AGAP1: variants seen among roughly 807,000 people sequenced by gnomAD.
AGAP1 encodes the protein arf-GAP with GTPase, ANK repeat and PH domain-containing protein 1.
In AGAP1, 29 loss-of-function variants were observed where a neutral mutation model predicts 105.3. The observed-to-expected ratio is 0.28, with a 90% CI of 0.21 to 0.38. The LOEUF is 0.38. Ranked by LOEUF, AGAP1 falls within the 10% of genes least tolerant of loss-of-function variation. The pLI, the probability that AGAP1 is intolerant of heterozygous loss-of-function variation, is 1.00. For synonymous variants in AGAP1, 509 were observed against 485.9 expected (o/e 1.05, Z -0.63); for missense variants, 998 against 1,165.1 (o/e 0.86, Z 2.09).
chr2:235,939,541 C>G (rs188809662), intron 12 of AGAP1, among the ~76,000 whole-genome samples: 1 of 151,240 alleles, frequency 6.6e-6, no homozygotes, highest in African/African-American at 2.4e-5. Flanking sequence ...ACCTCTCCTT[C>G]TATTCTCCTT....
chr2:235,714,381 T>C lies in AGAP1; in HGVS notation c.223-3176T>C, dbSNP rs117344068. Among the ~76,000 whole-genome samples the C allele has an allele frequency of 2.4e-3, 362 of 152,026 alleles. 9 individuals carry two copies. In the East Asian group the frequency reaches 0.052, roughly 22 times the overall value. ...GGGGTAGGACGGGGAAGCACAAACA[T>C]TCCTACCATATAGTTGAAGGCTTGT... On this transcript the variant is annotated intron_variant, in intron 2 of 17. Transcript: ENST00000304032. This position sits in a 1 kb window ranked among gnomAD's most constrained non-coding sequence, Gnocchi z 4.1.
chr2:235,899,332 G>A (rs1329559793), intron 10 of AGAP1, among the ~76,000 whole-genome samples: 1 of 152,134 alleles, frequency 6.6e-6, no homozygotes, highest in African/African-American at 2.4e-5. Context: ...GGCCAACATG[G>A]TGAAATGCCG....
At chr2:235,783,520 C>G (rs1039268185) in intron 6 of AGAP1, 1 of 358,352 alleles carries the variant, frequency 2.8e-6, no homozygotes, top group Non-Finnish European at 5.6e-6. Context: ...TTGTGACGTC[C>G]CTGTCATCAC....
chr2:235,590,670 T>TGTGTGTGTGTGTGTGTGTGTGCGTGTGC (rs1232733444), intron 1 of AGAP1, among the ~76,000 whole-genome samples: 3 of 85,762 alleles, frequency 3.5e-5, no homozygotes, highest in African/African-American at 8.5e-5. Context: ...TTTTAATGTG[T>TGTGTGTGTGTGTGTGTGTGTGCGTGTGC]GTGTGTGTGT....
rs977477478 is a variant in AGAP1 at position 235,736,400 on chromosome 2, G to T, written c.311-4563G>T. ...CGTCATCATAATTGGCAGCAGAGAA[G>T]GTTGCACATCACTCATGGCAGATCC... is the stretch of plus-strand genomic sequence containing the variant. On this transcript the variant is annotated intron_variant, in intron 3 of 17. Coordinates refer to ENST00000304032, the MANE Select transcript of AGAP1 (RefSeq NM_001037131.3). The surrounding 1 kb of genome is among the most constrained non-coding windows in gnomAD (Gnocchi z 5.5). 1.3e-5 allele frequency among the ~76,000 whole-genome samples: 2 copies of T among 152,134 alleles called. No homozygotes were observed. The highest frequency in any genetic ancestry group is 4.8e-5 in the African/African-American group (2 of 41,428).
At chr2:235,913,868 T>C (rs1296614012) in intron 11 of AGAP1, among the ~76,000 whole-genome samples, 1 of 152,230 alleles carries the variant, frequency 6.6e-6, no homozygotes, top group Non-Finnish European at 1.5e-5. Context: ...CTATGAATTG[T>C]GGAGGAAGTG....
At chr2:235,661,488 AAGGAATCCT>A (rs1947950859) in intron 1 of AGAP1, among the ~76,000 whole-genome samples, 1 of 147,864 alleles carries the variant, frequency 6.8e-6, no homozygotes, top group Admixed American at 6.7e-5. Flanking sequence ...TGATAGTTTC[AAGGAATCCT>A]AGGAATGGGA....
chr2:235,947,514 A>G (rs1026438005), intron 12 of AGAP1, among the ~76,000 whole-genome samples: 5 of 152,068 alleles, frequency 3.3e-5, no homozygotes, highest in Admixed American at 1.3e-4. Context: ...TATTTTTGCA[A>G]TTGCAAATTA....
At position 235,608,408 on chromosome 2, in the gene AGAP1, G is replaced by A. The variant is rs1318306147; in HGVS notation, c.164-100771G>A. 1.3e-5 allele frequency among the ~76,000 whole-genome samples: 2 copies of A among 152,190 alleles called. No homozygotes were observed. The highest frequency in any genetic ancestry group is 4.8e-5 in the African/African-American group (2 of 41,440). On this transcript the variant is annotated intron_variant, in intron 1 of 17. Transcript: ENST00000304032. The surrounding 1 kb of genome is among the most constrained non-coding windows in gnomAD (Gnocchi z 5.4). ...GGCTTGGCTGGGATTCTGTGGGATG[G>A]GGCCTTCAGGAGGTGGAGCCGCCCC...
chr2:236,129,407 GCAGGTGTATCTCCTTAGAGTA>G lies in AGAP1; in HGVS notation c.*5288_*5308del, dbSNP rs1189724178. 5.3e-5 allele frequency: 8 copies of G among 152,340 alleles called. No individual in the cohort carries two copies. The East Asian group carries it at 1.5e-3, about 29-fold the overall frequency. The allele number at this position is 152,340 out of a possible 1,614,324, so 9.4% of individuals were successfully genotyped here. ...CCATTATGCAGGAGAGAGAAGGGGC[GCAGGTGTATCTCCTTAGAGTA>G]CACCTTGGAGCTGGATCACTAAGAA... On this transcript the variant is annotated 3_prime_UTR_variant, in exon 18 of 18. Coordinates refer to ENST00000304032, the MANE Select transcript of AGAP1 (RefSeq NM_001037131.3). This position sits in a 1 kb window ranked among gnomAD's most constrained non-coding sequence, Gnocchi z 6.2.
intron 1 of AGAP1, among the ~76,000 whole-genome samples, chr2:235,540,878 C>A (rs1943412631): frequency 6.6e-6 from 1 of 152,098 alleles, no homozygotes; most frequent in Non-Finnish European, 1.5e-5. Context: ...GGCATGGAAT[C>A]AAAAAGTTGC....
chr2:235,841,502 A>C, intron 9 of AGAP1, among the ~76,000 whole-genome samples: 1 of 152,022 alleles, frequency 6.6e-6, no homozygotes, highest in Admixed American at 6.5e-5. Context: ...GGTGGTGTGC[A>C]CCTGTGGTCC....
rs918865566 is a variant in AGAP1, at chr2:235,692,238, C to A, written c.164-16941C>A. Among the ~76,000 whole-genome samples, 5 of 152,126 alleles carry A rather than the reference C, an allele frequency of 3.3e-5. No individual in the cohort carries two copies. Among genetic ancestry groups the A allele is most frequent in the Admixed American group, 6.5e-5 (1 of 15,284 alleles). ...AGGTGGTGACAGCCATGTAGATATG[C>A]CCGCTGCCTTGCACCTGTTCCTCTG... On this transcript the variant is annotated intron_variant, in intron 1 of 17. Coordinates refer to ENST00000304032, the MANE Select transcript of AGAP1 (RefSeq NM_001037131.3). The surrounding 1 kb of genome is among the most constrained non-coding windows in gnomAD (Gnocchi z 5.8).
Position 235,792,641 on chromosome 2 carries a change from T to G in AGAP1, c.674-5118T>G, listed in dbSNP as rs1957047794. 6.6e-6 allele frequency among the ~76,000 whole-genome samples: 1 copy of G among 152,176 alleles called. No individual in the cohort carries two copies. Among genetic ancestry groups the G allele is most frequent in the South Asian group, 2.1e-4 (1 of 4,832 alleles). The stretch of plus-strand genomic sequence containing the variant: ...ACGAATTTCTGAGAAACTCTGGTGG[T>G]TGAACCAATCATCTGTTAGGTCTGT... On this transcript the variant is annotated intron_variant, in intron 6 of 17. Coordinates refer to ENST00000304032, the MANE Select transcript of AGAP1 (RefSeq NM_001037131.3). This position sits in a 1 kb window ranked among gnomAD's most constrained non-coding sequence, Gnocchi z 5.3.
chr2:235,643,431 C>CAAAAAAAAAAAAAAAAAACAA (rs1947264605), intron 1 of AGAP1, among the ~76,000 whole-genome samples: 12 of 61,418 alleles, frequency 2.0e-4, no homozygotes, highest in African/African-American at 8.2e-4. Flanking sequence ...GACTGGGTCT[C>CAAAAAAAAAAAAAAAAAACAA]AAAAAAAAAA....
chr2:235,972,216 A>G (rs554205056), intron 13 of AGAP1, among the ~76,000 whole-genome samples: 3 of 152,362 alleles, frequency 2.0e-5, no homozygotes, highest in African/African-American at 7.2e-5. Context: ...TTACAGATAT[A>G]AAACTTCTAT....
chr2:236,100,389 T>G (rs540046576), intron 16 of AGAP1, among the ~76,000 whole-genome samples: 124 of 152,328 alleles, frequency 8.1e-4, no homozygotes, highest in Non-Finnish European at 2.5e-4. Context: ...ATAATAATGC[T>G]TTCCTTACTC....
chr2:235,768,060 T>C (rs1427654695), intron 6 of AGAP1, among the ~76,000 whole-genome samples: 2 of 152,232 alleles, frequency 1.3e-5, no homozygotes, highest in Non-Finnish European at 2.9e-5. Flanking sequence ...GTGCTAGAAT[T>C]ACAGGTGTGA....
intron 4 of AGAP1, among the ~76,000 whole-genome samples, chr2:235,743,738 T>C (rs1465868768): frequency 6.6e-6 from 1 of 152,196 alleles, no homozygotes; most frequent in Non-Finnish European, 1.5e-5. Flanking sequence ...TAAAAACCTA[T>C]CTAGGAACTA....
Sources: gnomAD v4.1 joint callset for allele counts (sites outside exome capture counted in the v4.1 genomes callset) on GRCh38, gnomAD v4.1.1 for gene constraint, Gnocchi (gnomAD v3.1) non-coding constraint, MANE v1.5 for transcripts, NCBI Gene and HGNC (gene_info 2026-07-23, HGNC 2026-07-21) for gene names.